AGO3: variants seen among roughly 807,000 people sequenced by gnomAD.
AGO3 encodes the protein protein argonaute-3.
In AGO3, 16 loss-of-function variants were observed where a neutral mutation model predicts 105.5. That is an observed-to-expected ratio of 0.15 (90% confidence interval 0.10 to 0.23). The LOEUF (loss-of-function observed/expected upper bound fraction) is 0.23, where lower values mean the gene tolerates loss of function less well. Among genes scored for constraint, AGO3 ranks in the 10% least tolerant of loss-of-function variants. AGO3 has a pLI of 1.00. For missense variants in AGO3, 534 were observed against 1,088.0 expected (o/e 0.49, Z 7.16); for synonymous variants, 340 against 367.3 (o/e 0.93, Z 0.85).
intron 17 of AGO3, among the ~76,000 whole-genome samples, chr1:36,044,960 C>T (rs1356799488): frequency 6.6e-6 from 1 of 152,148 alleles, no homozygotes; most frequent in Non-Finnish European, 1.5e-5. Flanking sequence ...TAGAAATTTC[C>T]AGATGTACCT....
intron 5 of AGO3, among the ~76,000 whole-genome samples, chr1:35,987,640 G>A (rs372259319): frequency 1.5e-4 from 23 of 151,892 alleles, no homozygotes; most frequent in Non-Finnish European, 2.6e-4. Flanking sequence ...GAAGAAAAAA[G>A]AGAAATGGAA....
At chr1:35,980,478 C>G (rs1476070143) in intron 5 of AGO3, among the ~76,000 whole-genome samples, 2 of 152,132 alleles carry the variant, frequency 1.3e-5, no homozygotes, top group African/African-American at 2.4e-5. Context: ...TGCTCACTGC[C>G]AGTCCTTTTG....
At chr1:36,016,535 T>G (rs762329894) in intron 11 of AGO3, among the ~76,000 whole-genome samples, 1 of 152,122 alleles carries the variant, frequency 6.6e-6, no homozygotes, top group Non-Finnish European at 1.5e-5. Context: ...TTAAAAGATG[T>G]AAGGAGGTAG....
chr1:35,995,206 A>AT (rs1557672134), intron 5 of AGO3, among the ~76,000 whole-genome samples: 44 of 117,176 alleles, frequency 3.8e-4, no homozygotes, highest in Middle Eastern at 3.8e-3. Context: ...GTCTAAAAAA[A>AT]AAAATATATA....
intron 12 of AGO3, among the ~76,000 whole-genome samples, chr1:36,030,639 A>G (rs916730333): frequency 6.6e-6 from 1 of 152,154 alleles, no homozygotes; most frequent in Non-Finnish European, 1.5e-5. Context: ...TACGTTGCTG[A>G]TGGTAGTATA....
intron 5 of AGO3, among the ~76,000 whole-genome samples, chr1:35,981,406 G>A (rs1647050771): frequency 6.6e-6 from 1 of 151,994 alleles, no homozygotes; most frequent in Admixed American, 6.6e-5. Flanking sequence ...TTGTTCTGGT[G>A]GACTCTTTCT....
intron 9 of AGO3, among the ~76,000 whole-genome samples, chr1:36,013,028 C>T (rs532079089): frequency 1.3e-5 from 2 of 152,076 alleles, no homozygotes; most frequent in South Asian, 4.2e-4. Flanking sequence ...CCTTGAGCTC[C>T]CAGGCTCAAG....
intron 5 of AGO3, among the ~76,000 whole-genome samples, chr1:35,991,331 GAC>G (rs1225323294): frequency 1.3e-5 from 2 of 151,992 alleles, no homozygotes; most frequent in African/African-American, 4.8e-5. Flanking sequence ...GAATCTCAGT[GAC>G]AGTCTTCATG....
intron 5 of AGO3, among the ~76,000 whole-genome samples, chr1:35,999,524 G>T (rs192089401): frequency 6.6e-6 from 1 of 152,126 alleles, no homozygotes; most frequent in African/African-American, 2.4e-5. Context: ...CTGTTTATTT[G>T]ATCTTCTATA....
intron 9 of AGO3, among the ~76,000 whole-genome samples, chr1:36,012,745 AG>A (rs1456418080): frequency 2.0e-5 from 3 of 152,082 alleles, no homozygotes; most frequent in African/African-American, 7.2e-5. Flanking sequence ...TCCATCCAAA[AG>A]CATATTAGGT....
Position 36,033,303 on chromosome 1 carries a change from C to G in AGO3, c.1592-871C>G, listed in dbSNP as rs191540068. ...AGTGAGCTGAGATCGCGCCACTGCA[C>G]TCTACCCTGGGTGACAGAATGTGAC... is the stretch of plus-strand genomic sequence containing the variant. On this transcript the variant is annotated intron_variant, in intron 12 of 18. Transcript: ENST00000373191. 3.2e-3 allele frequency among the ~76,000 whole-genome samples: 482 copies of G among 151,424 alleles called. 2 individuals are homozygous for G. The highest frequency in any genetic ancestry group is 0.011 in the African/African-American group (464 of 41,218).
chr1:35,974,389 A>G (rs1646920402), intron 5 of AGO3, among the ~76,000 whole-genome samples: 1 of 152,092 alleles, frequency 6.6e-6, no homozygotes, highest in South Asian at 2.1e-4. Flanking sequence ...GACATTTTAC[A>G]AAAACTGGGT....
intron 17 of AGO3, among the ~76,000 whole-genome samples, chr1:36,048,013 T>C (rs937439282): frequency 5.3e-5 from 8 of 152,094 alleles, no homozygotes; most frequent in Admixed American, 3.9e-4. Flanking sequence ...TGTAGTCAAA[T>C]TGTCAAGTCA....
rs1380711142 is a variant in AGO3 at position 36,058,541 on chromosome 1, G to A, written c.*2796G>A. The A allele has an allele frequency of 6.6e-6, 1 of 151,618 alleles. No individual in the cohort carries two copies. Among genetic ancestry groups the A allele is most frequent in the Non-Finnish European group, 1.5e-5 (1 of 67,942 alleles). 9.4% of individuals were successfully genotyped at this position (151,618 alleles called of 1,614,324 possible). A position where few individuals can be genotyped will look rare whatever the true frequency, so the allele number is the denominator to read the frequency against. The stretch of plus-strand genomic sequence containing the variant: ...ATTCCATCTGCACGTGAAACCTAAT[G>A]GATTTAGATCTTTAGTTTCTCTCTT... On this transcript the variant is annotated 3_prime_UTR_variant, in exon 19 of 19. Coordinates refer to ENST00000373191, the MANE Select transcript of AGO3 (RefSeq NM_024852.4).
chr1:36,060,536 G>A lies in AGO3; in HGVS notation c.*4791G>A, dbSNP rs915364986. 1.3e-5 allele frequency: 2 copies of A among 152,162 alleles called. No individual in the cohort carries two copies. Among genetic ancestry groups the A allele is most frequent in the Non-Finnish European group, 2.9e-5 (2 of 68,034 alleles). 9.4% of individuals were successfully genotyped at this position (152,162 alleles called of 1,614,324 possible). On this transcript the variant is annotated 3_prime_UTR_variant, in exon 19 of 19. Transcript: ENST00000373191. ...TTTTTATGAAATTCAAGAAGCAAAC[G>A]ACTTCGATACAGCTAGAATATGTTG...
chr1:36,046,837 C>T (rs1335644676), intron 17 of AGO3, among the ~76,000 whole-genome samples: 2 of 152,084 alleles, frequency 1.3e-5, no homozygotes, highest in Non-Finnish European at 2.9e-5. Flanking sequence ...CTGAGCTGAA[C>T]TGGCACTGGG....
At chr1:35,932,556 A>ATT (rs201169266) in intron 1 of AGO3, among the ~76,000 whole-genome samples, 94 of 143,150 alleles carry the variant, frequency 6.6e-4, no homozygotes, top group Admixed American at 3.2e-3. Flanking sequence ...AGAGTTACAA[A>ATT]TTTTTTTTTT....
In AGO3 at chr1:36,008,791, G is replaced by C; in HGVS notation, c.881+14G>C. 1 of 1,614,148 alleles carries C rather than the reference G, an allele frequency of 6.2e-7. No homozygotes were observed. Among genetic ancestry groups the C allele is most frequent in the South Asian group, 1.1e-5 (1 of 91,082 alleles). On this transcript the variant is annotated intron_variant, in intron 7 of 18. Transcript: ENST00000373191. This position sits in a 1 kb window ranked among gnomAD's most constrained non-coding sequence, Gnocchi z 5.1. ...CAGTCATCAAACGTAAGAAAAGTTT[G>C]TCAGAGCAGCGATGGTGTGAGGCAG...
In AGO3 at chr1:36,059,287, A is replaced by G. The variant is rs2148868634; in HGVS notation, c.*3542A>G. On this transcript the variant is annotated 3_prime_UTR_variant, in exon 19 of 19. Coordinates refer to ENST00000373191, the MANE Select transcript of AGO3 (RefSeq NM_024852.4). ...TTAATTACCATTGGTTCTTAATTAC[A>G]AGAAAACTTGTGCTTAGAATTTTAA... 6.6e-6 allele frequency: 1 copy of G among 152,210 alleles called. No individual in the cohort carries two copies. The highest frequency in any genetic ancestry group is 2.1e-4 in the South Asian group (1 of 4,824). 9.4% of individuals were successfully genotyped at this position (152,210 alleles called of 1,614,324 possible). A position where few individuals can be genotyped will look rare whatever the true frequency, so the allele number is the denominator to read the frequency against.
Sources: allele counts gnomAD v4.1 joint callset (sites outside exome capture counted in the v4.1 genomes callset), GRCh38; gene constraint gnomAD v4.1.1; non-coding constraint Gnocchi (gnomAD v3.1); transcripts MANE v1.5; gene names NCBI Gene and HGNC (gene_info 2026-07-23, HGNC 2026-07-21).